Variants in CNTNAP2 observed in about 807,000 individuals in gnomAD.
CNTNAP2 encodes the protein contactin-associated protein-like 2.
In CNTNAP2, 98 loss-of-function variants were observed where a neutral mutation model predicts 155.2. The observed-to-expected ratio is 0.63, with a 90% CI of 0.54 to 0.75. The LOEUF (loss-of-function observed/expected upper bound fraction) is 0.75, where lower values mean the gene tolerates loss of function less well. Among genes scored for constraint, CNTNAP2 ranks in the 30% least tolerant of loss-of-function variants. CNTNAP2 has a pLI of 0.00. For synonymous variants in CNTNAP2, 651 were observed against 631.2 expected (o/e 1.03, Z -0.47); for missense variants, 1,727 against 1,688.1 (o/e 1.02, Z -0.40).
intron 1 of CNTNAP2, among the ~76,000 whole-genome samples, chr7:146,613,949 A>G (rs1799182650): frequency 1.3e-5 from 2 of 152,154 alleles, no homozygotes; most frequent in Non-Finnish European, 2.9e-5. Context: ...AAAAATAAGT[A>G]ATTTATTATT....
At chr7:146,203,211 A>T (rs897932849) in intron 1 of CNTNAP2, among the ~76,000 whole-genome samples, 2 of 152,190 alleles carry the variant, frequency 1.3e-5, no homozygotes. Context: ...TTCTAACACT[A>T]TCCATCTGGA....
At chr7:147,260,125 C>T (rs73461226) in intron 8 of CNTNAP2, among the ~76,000 whole-genome samples, 2,380 of 152,278 alleles carry the variant, frequency 0.016, 61 homozygotes, top group African/African-American at 0.054. Flanking sequence ...GCAAACTAAA[C>T]CTTGAAGATG....
rs548055443 is a variant in CNTNAP2 at position 147,364,851 on chromosome 7, GA to G, written c.1499-30744del. ...GCGACGGAGTGAGACTCAGTCTCGG[GA>G]AAAAAAAAAAAAATTCCTAGCCATG... is the stretch of plus-strand genomic sequence containing the variant. On this transcript the variant is annotated intron_variant, in intron 9 of 23. Transcript: ENST00000361727. Among the ~76,000 whole-genome samples, 954 of 139,004 alleles carry G rather than the reference GA, an allele frequency of 6.9e-3. 5 individuals carry two copies. The highest frequency in any genetic ancestry group is 0.014 in the African/African-American group (521 of 38,080). The allele number at this position is 139,004 out of a possible 152,430, so 91.2% of individuals were successfully genotyped here. A position where few individuals can be genotyped will look rare whatever the true frequency, so the allele number is the denominator to read the frequency against.
In CNTNAP2 at chr7:147,607,172, A is replaced by G. The variant is rs531746159; in HGVS notation, c.1898-31934A>G. ...ACTAGAGACTGAGTCAATGAGGAAAATTAAATACTTCCAGGGACTGATTAT... is the reference window on the plus strand; with the variant it reads ...ACTAGAGACTGAGTCAATGAGGAAAGTTAAATACTTCCAGGGACTGATTAT... On this transcript the variant is annotated intron_variant, in intron 12 of 23. Transcript: ENST00000361727. Among the ~76,000 whole-genome samples the G allele has an allele frequency of 1.4e-4, 22 of 152,240 alleles. 2 individuals carry two copies. The South Asian group carries it at 3.1e-3, about 22-fold the overall frequency.
At chr7:147,553,366 G>A (rs1201396830) in intron 11 of CNTNAP2, among the ~76,000 whole-genome samples, 1 of 152,152 alleles carries the variant, frequency 6.6e-6, no homozygotes, top group African/African-American at 2.4e-5. Flanking sequence ...GGGAGGAAGT[G>A]TAAGGAAAGT....
At chr7:147,019,210 T>C (rs1407232343) in intron 3 of CNTNAP2, among the ~76,000 whole-genome samples, 1 of 152,102 alleles carries the variant, frequency 6.6e-6, no homozygotes, top group Non-Finnish European at 1.5e-5. Context: ...TTATCTTCTC[T>C]CAAGTGCAGC....
At chr7:147,261,491 T>C (rs1288885188) in intron 8 of CNTNAP2, among the ~76,000 whole-genome samples, 1 of 152,004 alleles carries the variant, frequency 6.6e-6, no homozygotes, top group Non-Finnish European at 1.5e-5. Flanking sequence ...CTGGTACCAA[T>C]ATTTGGAAGC....
chr7:147,143,289 T>G (rs528963720), intron 8 of CNTNAP2, among the ~76,000 whole-genome samples: 1 of 152,166 alleles, frequency 6.6e-6, no homozygotes, highest in South Asian at 2.1e-4. Flanking sequence ...TTCAACAATC[T>G]TTCATGAACC....
chr7:148,276,112 G>T (rs1796866797), intron 21 of CNTNAP2, among the ~76,000 whole-genome samples: 1 of 152,140 alleles, frequency 6.6e-6, no homozygotes. Context: ...ACAGACCCAA[G>T]CTACTCCTGC....
At chr7:147,952,116 T>C (rs981168594) in intron 14 of CNTNAP2, among the ~76,000 whole-genome samples, 9 of 151,792 alleles carry the variant, frequency 5.9e-5, no homozygotes, top group African/African-American at 2.2e-4. Context: ...ATAGAGCATG[T>C]TTATATCTTA....
intron 10 of CNTNAP2, among the ~76,000 whole-genome samples, chr7:147,463,610 T>G (rs1584962867): frequency 6.6e-6 from 1 of 152,194 alleles, no homozygotes. Flanking sequence ...CTTTCAAACA[T>G]GTTCAAATCC....
chr7:147,131,409 A>G (rs73471052), intron 7 of CNTNAP2, among the ~76,000 whole-genome samples: 2,963 of 152,072 alleles, frequency 0.019, 97 homozygotes, highest in African/African-American at 0.068. Context: ...ACCTGTAAAG[A>G]GAATGTAGTT....
At position 146,622,769 on chromosome 7, in the gene CNTNAP2, C is replaced by A. The variant is rs190800223; in HGVS notation, c.98-151502C>A. On this transcript the variant is annotated intron_variant, in intron 1 of 23. Transcript: ENST00000361727. ...GTCAGGAGTTCGAGACCAGCCTGAC[C>A]AATATGGTGAAACCCTGTCTCTACT... 3.9e-5 allele frequency among the ~76,000 whole-genome samples: 6 copies of A among 151,962 alleles called. No individual in the cohort carries two copies. In the East Asian group the frequency reaches 9.7e-4, roughly 25 times the overall value.
intron 9 of CNTNAP2, among the ~76,000 whole-genome samples, chr7:147,388,892 C>T (rs1057425914): frequency 6.6e-6 from 1 of 152,068 alleles, no homozygotes; most frequent in Non-Finnish European, 1.5e-5. Context: ...CATATGTGTA[C>T]CCTCTTTCTT....
chr7:146,867,077 G>A (rs889364586), intron 3 of CNTNAP2, among the ~76,000 whole-genome samples: 2 of 151,966 alleles, frequency 1.3e-5, no homozygotes, highest in African/African-American at 2.4e-5. Context: ...AGGTAAACAC[G>A]TGTCACAGGG....
chr7:147,258,751 C>G (rs1294188365), intron 8 of CNTNAP2, among the ~76,000 whole-genome samples: 1 of 152,150 alleles, frequency 6.6e-6, no homozygotes, highest in Non-Finnish European at 1.5e-5. Flanking sequence ...CCTAAACTTG[C>G]AGTTCTTGGT....
chr7:148,293,425 C>T (rs1187092795), intron 21 of CNTNAP2, among the ~76,000 whole-genome samples: 4 of 152,072 alleles, frequency 2.6e-5, no homozygotes, highest in South Asian at 2.1e-4. Flanking sequence ...GAATTGGGCA[C>T]GGTAAGTCAA....
chr7:147,855,428 C>T (rs1474687430), intron 13 of CNTNAP2, among the ~76,000 whole-genome samples: 1 of 152,066 alleles, frequency 6.6e-6, no homozygotes, highest in East Asian at 1.9e-4. Flanking sequence ...CTGGATGCTT[C>T]TTCTCCTACT....
At chr7:147,094,488 G>A (rs997213105) in intron 4 of CNTNAP2, among the ~76,000 whole-genome samples, 3 of 145,376 alleles carry the variant, frequency 2.1e-5, no homozygotes, top group Non-Finnish European at 4.5e-5. Flanking sequence ...TGCAAGCTCC[G>A]CCTCCTGGGT....
Sources: gnomAD v4.1 joint callset for allele counts (sites outside exome capture counted in the v4.1 genomes callset) on GRCh38, gnomAD v4.1.1 for gene constraint, MANE v1.5 for transcripts, NCBI Gene and HGNC (gene_info 2026-07-23, HGNC 2026-07-21) for gene names.